NR5A2: variants seen among roughly 807,000 people sequenced by gnomAD.
NR5A2 encodes the protein nuclear receptor subfamily 5 group A member 2.
A neutral mutation model predicts 62.7 loss-of-function variants in NR5A2; 26 were observed. The ratio of observed to expected loss-of-function variants is 0.41; its 90% CI spans 0.30 to 0.58. NR5A2 has a LOEUF of 0.58. NR5A2 is among the 20% of genes least tolerant of loss of function. The pLI is 0.22. For synonymous variants in NR5A2, 246 were observed against 241.7 expected, an observed-to-expected ratio of 1.02 and a Z score of -0.16; for missense variants, 541 against 669.1, an observed-to-expected ratio of 0.81 and a Z score of 2.11.
Position 200,048,331 on chromosome 1 carries a change from C to G in NR5A2, c.623C>G (p.Thr208Ser). 1 of 1,614,180 alleles carries G rather than the reference C, an allele frequency of 6.2e-7. No homozygotes were observed. Among genetic ancestry groups the G allele is most frequent in the Non-Finnish European group, 8.5e-7 (1 of 1,180,036 alleles). Residue 208 changes from threonine to serine, a missense_variant, in exon 5 of 8, where the codon ACC becomes AGC. By Grantham distance (58) the Thr-to-Ser change is moderately conservative. Around this residue, in one of 3 missense-constraint regions of NR5A2, gnomAD observed 379 missense variants for 442.0 expected, o/e 0.86. Transcript: ENST00000367362. This position sits in a 1 kb window ranked among gnomAD's most constrained non-coding sequence, Gnocchi z 4.8. ...ATCCAAGCTATGCCCTCTGACCTGA[C>G]CATTTCCTCTGCAATTCAAAACATC... ...QVIQAMPSDLTISSAIQNIHS... is the reference protein window; with the variant it reads ...QVIQAMPSDLSISSAIQNIHS...
At chr1:200,070,508 T>C (rs770920726) in intron 5 of NR5A2, among the ~76,000 whole-genome samples, 1 of 152,080 alleles carries the variant, frequency 6.6e-6, no homozygotes, top group Non-Finnish European at 1.5e-5. Flanking sequence ...ATAGTGACCC[T>C]GTCTCTACAA....
At chr1:200,113,691 C>CAAATT (rs1345118227) in intron 6 of NR5A2, among the ~76,000 whole-genome samples, 4 of 152,110 alleles carry the variant, frequency 2.6e-5, no homozygotes, top group Non-Finnish European at 2.9e-5. Context: ...TTGATTAAAA[C>CAAATT]AAATTAAGTA....
chr1:200,086,980 C>T (rs1664578580), intron 5 of NR5A2, among the ~76,000 whole-genome samples: 1 of 152,016 alleles, frequency 6.6e-6, no homozygotes, highest in South Asian at 2.1e-4. Flanking sequence ...TGGAGGTTGC[C>T]ATGAGCCGAG....
intron 1 of NR5A2, among the ~76,000 whole-genome samples, chr1:200,032,908 A>G (rs1423523774): frequency 6.6e-6 from 1 of 152,250 alleles, no homozygotes; most frequent in Non-Finnish European, 1.5e-5. Context: ...ATGATTTAAT[A>G]CAATGTTGGT....
At chr1:200,050,926 CTG>C (rs906934596) in intron 5 of NR5A2, among the ~76,000 whole-genome samples, 4 of 152,114 alleles carry the variant, frequency 2.6e-5, no homozygotes, top group Non-Finnish European at 5.9e-5. Flanking sequence ...GATGTTATCA[CTG>C]TTGTTTTATG....
At chr1:200,143,788 C>T (rs10919819) in intron 7 of NR5A2, among the ~76,000 whole-genome samples, 37,318 of 151,584 alleles carry the variant, frequency 0.25, 5,104 homozygotes, top group Admixed American at 0.32. Flanking sequence ...ATTACAGGCG[C>T]GCGCCACCAG....
chr1:200,118,877 G>C (rs1251675641), intron 6 of NR5A2, among the ~76,000 whole-genome samples: 1 of 152,176 alleles, frequency 6.6e-6, no homozygotes, highest in Non-Finnish European at 1.5e-5. Flanking sequence ...TCCAGCTCAG[G>C]GTTCAGGTTG....
intron 5 of NR5A2, among the ~76,000 whole-genome samples, chr1:200,078,705 T>G (rs1448612858): frequency 6.6e-6 from 1 of 152,224 alleles, no homozygotes; most frequent in Non-Finnish European, 1.5e-5. Flanking sequence ...TAAAGTAACT[T>G]CATGCATGTG....
rs764257662 is a variant in NR5A2, at chr1:200,048,473, G to T, written c.765G>T (p.Leu255=). The stretch of plus-strand genomic sequence containing the variant: ...TGACAATGCCCCCTCACGGCAGCCT[G>T]CAAGGTTACCAAACATATGGCCACT... ...ISMTMPPHGS[L]QGYQTYGHFP... Residue 255 remains leucine (L), a synonymous_variant, in exon 5 of 8, where the codon CTG becomes CTT. Coordinates refer to ENST00000367362, the MANE Select transcript of NR5A2 (RefSeq NM_205860.3). This position sits in a 1 kb window ranked among gnomAD's most constrained non-coding sequence, Gnocchi z 4.8. 6.2e-7 allele frequency: 1 copy of T among 1,614,166 alleles called. No homozygotes were observed. The highest frequency in any genetic ancestry group is 8.5e-7 in the Non-Finnish European group (1 of 1,180,040).
intron 5 of NR5A2, among the ~76,000 whole-genome samples, chr1:200,083,922 A>C (rs956443818): frequency 2.0e-5 from 3 of 151,418 alleles, no homozygotes; most frequent in Non-Finnish European, 4.4e-5. Context: ...CTGAGATTAC[A>C]CCATTGCATT....
intron 7 of NR5A2, among the ~76,000 whole-genome samples, chr1:200,142,262 C>T (rs1051969403): frequency 7.5e-6 from 1 of 133,404 alleles, no homozygotes; most frequent in Non-Finnish European, 1.5e-5. Context: ...TGCAGTGACA[C>T]GATCTCAGCT....
Position 200,048,615 on chromosome 1 carries a change from C to CA in NR5A2, c.908dup (p.His303GlnfsTer10). 6.2e-7 allele frequency: 1 copy of CA among 1,614,202 alleles called. No individual in the cohort carries two copies. Among genetic ancestry groups the CA allele is most frequent in the Non-Finnish European group, 8.5e-7 (1 of 1,180,028 alleles). ...GACGAGCTCTCCAGCAAGCATCCCACATCTGATACTGGAACTTTTGAAGTG... is the reference window on the plus strand; with the variant it reads ...GACGAGCTCTCCAGCAAGCATCCCACAATCTGATACTGGAACTTTTGAAGTG... On this transcript the variant is annotated frameshift_variant, in exon 5 of 8. Transcript: ENST00000367362. LOFTEE classifies it high-confidence loss of function. This position sits in a 1 kb window ranked among gnomAD's most constrained non-coding sequence, Gnocchi z 4.8.
In NR5A2 at chr1:200,174,531, C is replaced by T. The variant is rs561192271; in HGVS notation, c.*321C>T. The T allele has an allele frequency of 7.4e-4, 136 of 182,940 alleles. No homozygotes were observed. The highest frequency in any genetic ancestry group is 6.7e-3 in the South Asian group (36 of 5,364). The allele number at this position is 182,940 out of a possible 1,614,324, so 11.3% of individuals were successfully genotyped here. A position where few individuals can be genotyped will look rare whatever the true frequency, so the allele number is the denominator to read the frequency against. Reference sequence around the variant, plus strand: ...ACGGTCAGAAGAAAAACGGACAGAACGGTTCTTGTATATTTAAACTGATCT... The same window carrying T: ...ACGGTCAGAAGAAAAACGGACAGAATGGTTCTTGTATATTTAAACTGATCT... On this transcript the variant is annotated 3_prime_UTR_variant, in exon 8 of 8. Transcript: ENST00000367362.
chr1:200,117,291 TC>T (rs1203917225), intron 6 of NR5A2, among the ~76,000 whole-genome samples: 1 of 152,236 alleles, frequency 6.6e-6, no homozygotes, highest in Non-Finnish European at 1.5e-5. Context: ...AAGTTGGAGA[TC>T]TGAATGTTGT....
At chr1:200,042,885 G>A (rs933544666) in intron 2 of NR5A2, 1 of 985,510 alleles carries the variant, frequency 1.0e-6, no homozygotes, top group African/African-American at 1.7e-5. Flanking sequence ...GGAGCAAGGC[G>A]GTTACCCGAT....
chr1:200,071,250 T>G (rs1663725821), intron 5 of NR5A2, among the ~76,000 whole-genome samples: 1 of 152,332 alleles, frequency 6.6e-6, no homozygotes, highest in African/African-American at 2.4e-5. Flanking sequence ...GCTTTTGCTC[T>G]AGGTTTTTCC....
chr1:200,128,141 T>C (rs998371256), intron 7 of NR5A2, among the ~76,000 whole-genome samples: 1 of 152,066 alleles, frequency 6.6e-6, no homozygotes, highest in Non-Finnish European at 1.5e-5. Flanking sequence ...TATACCAAAA[T>C]CTGCACACAC....
At chr1:200,160,104 G>T (rs536093802) in intron 7 of NR5A2, among the ~76,000 whole-genome samples, 2 of 152,324 alleles carry the variant, frequency 1.3e-5, no homozygotes, top group African/African-American at 4.8e-5. Context: ...AGAAAACAAT[G>T]GGCTCTAGCC....
At chr1:200,097,741 G>A (rs1353256252) in intron 5 of NR5A2, among the ~76,000 whole-genome samples, 6 of 152,216 alleles carry the variant, frequency 3.9e-5, no homozygotes, top group Admixed American at 3.3e-4. Flanking sequence ...CAATGCTGAC[G>A]TCTTAGGAAG....
Sources: allele counts gnomAD v4.1 joint callset (sites outside exome capture counted in the v4.1 genomes callset), GRCh38; gene constraint gnomAD v4.1.1; regional missense constraint gnomAD v4.1.1; non-coding constraint Gnocchi (gnomAD v3.1); transcripts MANE v1.5; gene names NCBI Gene and HGNC (gene_info 2026-07-23, HGNC 2026-07-21).